Variants in CMTM8 observed in about 807,000 individuals in gnomAD.
CMTM8 encodes the protein CKLF-like MARVEL transmembrane domain-containing protein 8.
Under a neutral mutation model 18.6 loss-of-function variants are expected in CMTM8, and 12 were observed. The ratio of observed to expected loss-of-function variants is 0.65; its 90% confidence interval spans 0.41 to 1.05. CMTM8 has a LOEUF of 1.05. Among genes scored for constraint, CMTM8 ranks in the 50% least tolerant of loss-of-function variants. The probability of loss-of-function intolerance (pLI) is 0.00; values close to 1 mark genes in which losing one functional copy is unlikely to be tolerated. For synonymous variants in CMTM8, 87 were observed against 90.6 expected (o/e 0.96, Z 0.23); for missense variants, 217 against 227.2 (o/e 0.95, Z 0.29).
chr3:32,361,834 G>A (rs1696937708), intron 2 of CMTM8, among the ~76,000 whole-genome samples: 1 of 152,050 alleles, frequency 6.6e-6, no homozygotes, highest in African/African-American at 2.4e-5. Context: ...GACTTGGATA[G>A]GTTTTCCAAC....
At chr3:32,328,983 G>A (rs1452485005) in intron 1 of CMTM8, among the ~76,000 whole-genome samples, 2 of 152,020 alleles carry the variant, frequency 1.3e-5, no homozygotes, top group East Asian at 1.9e-4. Context: ...ATTCTACAAG[G>A]CCATCATTAC....
intron 1 of CMTM8, among the ~76,000 whole-genome samples, chr3:32,275,099 G>A (rs1368347496): frequency 6.6e-6 from 1 of 152,090 alleles, no homozygotes; most frequent in Non-Finnish European, 1.5e-5. Context: ...AACCTCCCAA[G>A]GCTCAAGCAG....
At chr3:32,259,223 T>A in intron 1 of CMTM8, 1 of 558,308 alleles carries the variant, frequency 1.8e-6, no homozygotes, top group Admixed American at 2.3e-5. Flanking sequence ...AACGACTGCC[T>A]GGCCTCCTAC....
chr3:32,354,688 T>A (rs1696778356), intron 1 of CMTM8, among the ~76,000 whole-genome samples: 2 of 152,196 alleles, frequency 1.3e-5, no homozygotes, highest in Non-Finnish European at 2.9e-5. Flanking sequence ...CTTCACTCAC[T>A]GTTATGTTTC....
intron 1 of CMTM8, among the ~76,000 whole-genome samples, chr3:32,263,119 C>T (rs185599569): frequency 2.6e-5 from 4 of 151,988 alleles, no homozygotes; most frequent in East Asian, 3.9e-4. Context: ...TCTCTCAGCA[C>T]GCAGCTTGAG....
chr3:32,262,346 G>A (rs1702270192), intron 1 of CMTM8, among the ~76,000 whole-genome samples: 2 of 152,348 alleles, frequency 1.3e-5, no homozygotes, highest in South Asian at 2.1e-4. Context: ...TAGGATGGGT[G>A]TGTCTGCTGA....
At chr3:32,333,085 A>G (rs1696311818) in intron 1 of CMTM8, among the ~76,000 whole-genome samples, 1 of 152,238 alleles carries the variant, frequency 6.6e-6, no homozygotes, top group Non-Finnish European at 1.5e-5. Flanking sequence ...TATGGACCAT[A>G]TGGACTCTGT....
At chr3:32,333,286 A>G (rs1696317079) in intron 1 of CMTM8, among the ~76,000 whole-genome samples, 1 of 152,240 alleles carries the variant, frequency 6.6e-6, no homozygotes, top group Non-Finnish European at 1.5e-5. Flanking sequence ...CTTGTGGACC[A>G]TACAAAAACA....
At chr3:32,254,406 A>G (rs1156727071) in intron 1 of CMTM8, among the ~76,000 whole-genome samples, 1 of 152,128 alleles carries the variant, frequency 6.6e-6, no homozygotes, top group Non-Finnish European at 1.5e-5. Context: ...TATGTATCAT[A>G]TAGTTAGATT....
At chr3:32,266,084 A>C (rs1162828459) in intron 1 of CMTM8, among the ~76,000 whole-genome samples, 17 of 152,122 alleles carry the variant, frequency 1.1e-4, no homozygotes, top group African/African-American at 4.1e-4. Flanking sequence ...AAAAGAGGGA[A>C]TCCTCCCTAA....
intron 1 of CMTM8, among the ~76,000 whole-genome samples, chr3:32,288,236 G>A (rs1420031658): frequency 1.3e-5 from 2 of 152,120 alleles, no homozygotes; most frequent in African/African-American, 4.8e-5. Flanking sequence ...CAACTTAATT[G>A]AGGAGCTGAC....
At chr3:32,289,470 A>C (rs913895994) in intron 1 of CMTM8, among the ~76,000 whole-genome samples, 2 of 152,180 alleles carry the variant, frequency 1.3e-5, no homozygotes, top group African/African-American at 4.8e-5. Flanking sequence ...AGGAGGTGGG[A>C]TCAGAAAGGA....
At chr3:32,285,257 G>A (rs971470081) in intron 1 of CMTM8, among the ~76,000 whole-genome samples, 3 of 152,316 alleles carry the variant, frequency 2.0e-5, no homozygotes, top group East Asian at 1.9e-4. Context: ...GCTCACGCCC[G>A]TAATCTCAGC....
At chr3:32,347,652 A>C (rs898619784) in intron 1 of CMTM8, among the ~76,000 whole-genome samples, 3 of 152,094 alleles carry the variant, frequency 2.0e-5, no homozygotes, top group African/African-American at 7.2e-5. Flanking sequence ...TCACATAATC[A>C]GAGTTCCCAT....
rs188756724 is a variant in CMTM8 at position 32,369,780 on chromosome 3, C to T, written c.439-104C>T. On this transcript the variant is annotated intron_variant, in intron 3 of 3. Transcript: ENST00000307526. ...AGTTTTAGATGGCAAAGCCTGGTAT[C>T]AAGAAAAGGTAGTGAGTGGGTGATT... is the stretch of plus-strand genomic sequence containing the variant. 1.6e-5 allele frequency: 10 copies of T among 619,170 alleles called. No homozygotes were observed. In the African/African-American group the frequency reaches 1.8e-4, roughly 11 times the overall value. The allele number at this position is 619,170 out of a possible 1,614,324, so 38.4% of individuals were successfully genotyped here.
intron 1 of CMTM8, among the ~76,000 whole-genome samples, chr3:32,334,843 C>T (rs928764262): frequency 2.0e-5 from 3 of 152,138 alleles, no homozygotes; most frequent in African/African-American, 7.2e-5. Flanking sequence ...TGTTGCTACC[C>T]TGTGACATCC....
intron 1 of CMTM8, among the ~76,000 whole-genome samples, chr3:32,283,452 C>T (rs764835408): frequency 1.3e-5 from 2 of 152,172 alleles, no homozygotes; most frequent in Non-Finnish European, 2.9e-5. Flanking sequence ...ACATCGCAGG[C>T]GCATGTAATG....
intron 1 of CMTM8, among the ~76,000 whole-genome samples, chr3:32,353,116 C>T (rs1696746460): frequency 6.6e-6 from 1 of 152,190 alleles, no homozygotes; most frequent in South Asian, 2.1e-4. Flanking sequence ...GCCTCAGCCT[C>T]CCTAGTAGCT....
chr3:32,332,631 C>T (rs536209286), intron 1 of CMTM8, among the ~76,000 whole-genome samples: 2 of 152,258 alleles, frequency 1.3e-5, no homozygotes, highest in Admixed American at 6.5e-5. Context: ...CCTTAGCACG[C>T]TCAGCCGCCT....
Sources: gnomAD v4.1 joint callset for allele counts (sites outside exome capture counted in the v4.1 genomes callset) on GRCh38, gnomAD v4.1.1 for gene constraint, MANE v1.5 for transcripts, NCBI Gene and HGNC (gene_info 2026-07-23, HGNC 2026-07-21) for gene names.